TRIO: variants seen among roughly 807,000 people sequenced by gnomAD.
TRIO encodes triple functional domain protein.
In TRIO, 58 loss-of-function variants were observed where a neutral mutation model predicts 351.9. The observed-to-expected ratio is 0.16, with a 90% confidence interval of 0.13 to 0.21. The LOEUF (loss-of-function observed/expected upper bound fraction) is 0.21, where lower values mean the gene tolerates loss of function less well. Among genes scored for constraint, TRIO ranks in the 10% least tolerant of loss-of-function variants. TRIO has a pLI of 1.00. For missense variants in TRIO, 3,201 were observed against 4,027.8 expected, an observed-to-expected ratio of 0.79 and a Z score of 5.56; for synonymous variants, 1,758 against 1,595.7, an observed-to-expected ratio of 1.10 and a Z score of -2.42.
chr5:14,492,497 G>A, intron 48 of TRIO, 70 bp from the exon 49 acceptor site: 1 of 1,576,824 alleles, frequency 6.3e-7, no homozygotes, highest in Non-Finnish European at 8.6e-7. Context: ...CACTGACAAG[G>A]GATTTCATGT....
intron 49 of TRIO, among the ~76,000 whole-genome samples, chr5:14,495,733 C>T (rs1756847685): frequency 6.8e-6 from 1 of 147,886 alleles, no homozygotes; most frequent in Non-Finnish European, 1.5e-5. Context: ...GTTTGGGAGG[C>T]CAAGACGGGT....
chr5:14,163,706 C>G (rs534467342), intron 1 of TRIO, among the ~76,000 whole-genome samples: 79 of 152,254 alleles, frequency 5.2e-4, no homozygotes, highest in African/African-American at 1.8e-3. Flanking sequence ...TAGATATGTA[C>G]CTAAAACATT....
intron 34 of TRIO, among the ~76,000 whole-genome samples, chr5:14,428,501 C>CAA (rs755163135): frequency 1.3e-5 from 2 of 152,098 alleles, no homozygotes; most frequent in Non-Finnish European, 2.9e-5. Context: ...AATTTTAAAA[C>CAA]AAAGACGCTG....
At chr5:14,337,111 TC>T (rs1741488986) in intron 11 of TRIO, among the ~76,000 whole-genome samples, 1 of 152,300 alleles carries the variant, frequency 6.6e-6, no homozygotes, top group East Asian at 1.9e-4. Context: ...GAGACTTCTC[TC>T]AGATGCTAGT....
chr5:14,477,904 C>G (rs930424003), intron 41 of TRIO, among the ~76,000 whole-genome samples: 13 of 152,200 alleles, frequency 8.5e-5, no homozygotes, highest in Non-Finnish European at 2.9e-5. Flanking sequence ...TTCAGAGTGG[C>G]AGATACATAT....
At chr5:14,422,732 T>A (rs58002921) in intron 34 of TRIO, among the ~76,000 whole-genome samples, 10,305 of 152,302 alleles carry the variant, frequency 0.068, 1,168 homozygotes, top group African/African-American at 0.24. Flanking sequence ...ATACAGCTTA[T>A]TTTAAATGAA....
chr5:14,184,027 G>A, intron 1 of TRIO: 1 of 693,274 alleles, frequency 1.4e-6, no homozygotes, highest in Non-Finnish European at 2.6e-6. Context: ...TGGCTCGAGG[G>A]TTTCTCTAGG....
At chr5:14,346,996 A>G (rs1316685239) in intron 11 of TRIO, among the ~76,000 whole-genome samples, 2 of 152,252 alleles carry the variant, frequency 1.3e-5, no homozygotes, top group South Asian at 2.1e-4. Context: ...GCTGACTGAC[A>G]AAGGTAGTGG....
intron 1 of TRIO, among the ~76,000 whole-genome samples, chr5:14,159,844 C>T (rs1044934230): frequency 1.3e-5 from 2 of 152,216 alleles, no homozygotes; most frequent in East Asian, 1.9e-4. Flanking sequence ...GGATTACAGG[C>T]GTGAGCCACC....
chr5:14,359,806 G>A (rs1009699480), intron 13 of TRIO, among the ~76,000 whole-genome samples: 1 of 152,238 alleles, frequency 6.6e-6, no homozygotes, highest in Non-Finnish European at 1.5e-5. Context: ...AGCAAGCGCT[G>A]AGCGGAACAG....
At position 14,291,165 on chromosome 5, in the gene TRIO, T is replaced by C; in HGVS notation, c.990T>C (p.His330=). The change falls in exon 5 of 57, where the codon CAT becomes CAC. Residue 330 remains histidine (H), a synonymous_variant. Coordinates refer to ENST00000344204, the MANE Select transcript of TRIO (RefSeq NM_007118.4). ...GGCAGCATCTGCACCAGATGTGGCA[T>C]GTGAGGAAGCTGAAGCTGGACCAGT... is the stretch of plus-strand genomic sequence containing the variant. ...STRQHLHQMW[H]VRKLKLDQCF... 4 of 1,614,132 alleles carry C rather than the reference T, an allele frequency of 2.5e-6. No individual in the cohort carries two copies. Among genetic ancestry groups the C allele is most frequent in the Non-Finnish European group, 3.4e-6 (4 of 1,180,010 alleles).
At chr5:14,503,465 C>T (rs187416289) in intron 54 of TRIO, among the ~76,000 whole-genome samples, 11 of 152,368 alleles carry the variant, frequency 7.2e-5, no homozygotes, top group Admixed American at 6.5e-4. Flanking sequence ...GACCATTATT[C>T]TGTTGGCCTC....
intron 4 of TRIO, among the ~76,000 whole-genome samples, chr5:14,289,518 A>T (rs1396557584): frequency 6.6e-6 from 1 of 151,968 alleles, no homozygotes; most frequent in South Asian, 2.1e-4. Context: ...GCCACACTCC[A>T]GTCTGGAAGA....
chr5:14,179,044 C>T (rs164005), intron 1 of TRIO, among the ~76,000 whole-genome samples: 12 of 152,234 alleles, frequency 7.9e-5, no homozygotes, highest in Admixed American at 3.9e-4. Context: ...CCCCCACCCC[C>T]GCAGAAGCCG....
intron 1 of TRIO, among the ~76,000 whole-genome samples, chr5:14,177,151 G>A (rs1197733161): frequency 1.3e-5 from 2 of 152,128 alleles, no homozygotes; most frequent in African/African-American, 2.4e-5. Flanking sequence ...TGCCCCAGGA[G>A]GGCAGGTGAT....
chr5:14,243,918 A>G (rs1794280916), intron 1 of TRIO, among the ~76,000 whole-genome samples: 1 of 152,230 alleles, frequency 6.6e-6, no homozygotes, highest in African/African-American at 2.4e-5. Context: ...TAGCTAGTAC[A>G]ATAACAGCGC....
chr5:14,462,673 C>T, intron 35 of TRIO, 82 bp from the exon 36 acceptor site: 1 of 1,566,160 alleles, frequency 6.4e-7, no homozygotes. Context: ...TCTCTGTCCC[C>T]ACCTTGCTTC....
intron 6 of TRIO, 109 bp downstream of exon 6, chr5:14,293,243 T>C: frequency 6.8e-7 from 1 of 1,476,376 alleles, no homozygotes. Flanking sequence ...GGAGTGGCTG[T>C]TGATTGTAGC....
At chr5:14,186,829 C>T (rs1286095849) in intron 1 of TRIO, among the ~76,000 whole-genome samples, 12 of 152,130 alleles carry the variant, frequency 7.9e-5, no homozygotes, top group Non-Finnish European at 1.5e-4. Context: ...CCACCTGTCT[C>T]GGCCTCCCAA....
Sources: gnomAD v4.1 joint callset for allele counts (sites outside exome capture counted in the v4.1 genomes callset) on GRCh38, gnomAD v4.1.1 for gene constraint, MANE v1.5 for transcripts, NCBI Gene and HGNC (gene_info 2026-07-23, HGNC 2026-07-21) for gene names.